Variants in SRGAP1 observed in about 807,000 individuals in gnomAD.
SRGAP1 encodes the protein SLIT-ROBO Rho GTPase activating protein 1.
A neutral mutation model predicts 121.9 loss-of-function variants in SRGAP1; 43 were observed. The ratio of observed to expected loss-of-function variants is 0.35; its 90% CI spans 0.28 to 0.46. The LOEUF (loss-of-function observed/expected upper bound fraction) is 0.46. Ranked by LOEUF, SRGAP1 falls within the 20% of genes least tolerant of loss-of-function variation. The pLI is 1.00. For missense variants in SRGAP1, 1,102 were observed against 1,350.9 expected (o/e 0.82, Z 2.89); for synonymous variants, 447 against 485.4 (o/e 0.92, Z 1.04).
intron 1 of SRGAP1, among the ~76,000 whole-genome samples, chr12:63,952,515 TAAAA>T (rs946816729): frequency 6.6e-6 from 1 of 151,834 alleles, no homozygotes; most frequent in African/African-American, 2.4e-5. Flanking sequence ...ACCTGTCTCT[TAAAA>T]AGAAAGAAGG....
intron 1 of SRGAP1, among the ~76,000 whole-genome samples, chr12:63,915,306 G>T (rs900011165): frequency 1.3e-5 from 2 of 151,580 alleles, no homozygotes; most frequent in African/African-American, 4.9e-5. Flanking sequence ...ACAGAAGTAG[G>T]CAGGGCTAAC....
At chr12:64,033,429 T>G (rs35136111) in intron 4 of SRGAP1, among the ~76,000 whole-genome samples, 58,225 of 151,872 alleles carry the variant, frequency 0.38, 11,835 homozygotes, top group Non-Finnish European at 0.48. Flanking sequence ...TTCTAAAGAG[T>G]TTTGTGGCCA....
chr12:64,087,363 A>AAT (rs1264543093), intron 11 of SRGAP1, among the ~76,000 whole-genome samples: 1 of 152,230 alleles, frequency 6.6e-6, no homozygotes, highest in Non-Finnish European at 1.5e-5. Flanking sequence ...TTAAAAAAAA[A>AAT]ATACGACGTG....
intron 6 of SRGAP1, among the ~76,000 whole-genome samples, chr12:64,055,290 TTACAAGG>T (rs2035319163): frequency 1.4e-5 from 2 of 140,616 alleles, no homozygotes; most frequent in Admixed American, 1.4e-4. Context: ...GGAATCCAAC[TTACAAGG>T]GATGTGAAGG....
intron 6 of SRGAP1, among the ~76,000 whole-genome samples, chr12:64,059,719 C>G (rs1378777): frequency 0.96 from 145,793 of 152,104 alleles, 70,151 homozygotes; most frequent in Middle Eastern, 1. Flanking sequence ...CCGCTCCACA[C>G]AACCATTATA....
chr12:64,068,781 G>A (rs529513880), intron 8 of SRGAP1, among the ~76,000 whole-genome samples: 5 of 151,728 alleles, frequency 3.3e-5, no homozygotes, highest in South Asian at 2.1e-4. Context: ...AGGCCAAGGC[G>A]GGCAGATCTC....
chr12:64,024,323 C>T (rs1361082139), intron 4 of SRGAP1, among the ~76,000 whole-genome samples: 1 of 152,086 alleles, frequency 6.6e-6, no homozygotes, highest in East Asian at 1.9e-4. Flanking sequence ...CCCAGCTGCA[C>T]TGGAGGCTGA....
intron 1 of SRGAP1, among the ~76,000 whole-genome samples, chr12:63,938,421 G>A (rs566373479): frequency 6.6e-5 from 10 of 152,212 alleles, no homozygotes; most frequent in South Asian, 2.1e-4. Context: ...CTGTTACTGC[G>A]GAGCCATGGT....
chr12:64,032,022 A>G (rs2034792252), intron 4 of SRGAP1, among the ~76,000 whole-genome samples: 1 of 152,194 alleles, frequency 6.6e-6, no homozygotes. Context: ...AAATCTCAAT[A>G]TGCTATGGTG....
At chr12:63,928,607 T>G (rs1402332989) in intron 1 of SRGAP1, among the ~76,000 whole-genome samples, 1 of 152,168 alleles carries the variant, frequency 6.6e-6, no homozygotes, top group Non-Finnish European at 1.5e-5. Flanking sequence ...CCCCAACCTT[T>G]TTGGCACCAG....
chr12:64,006,774 G>C (rs1454121667), intron 3 of SRGAP1, among the ~76,000 whole-genome samples: 1 of 151,950 alleles, frequency 6.6e-6, no homozygotes, highest in African/African-American at 2.4e-5. Flanking sequence ...TGTGTCCTGG[G>C]GGGGAAAAAA....
intron 1 of SRGAP1, among the ~76,000 whole-genome samples, chr12:63,925,348 A>AATGAGAT (rs1476100731): frequency 1.3e-5 from 2 of 152,346 alleles, no homozygotes; most frequent in Non-Finnish European, 2.9e-5. Flanking sequence ...GGGAAAAATA[A>AATGAGAT]ATGAGATGTA....
chr12:64,101,247 A>G, intron 15 of SRGAP1, among the ~76,000 whole-genome samples: 1 of 151,556 alleles, frequency 6.6e-6, no homozygotes, highest in East Asian at 1.9e-4. Flanking sequence ...AAGAGTTTGC[A>G]TAAGGCACTG....
At chr12:63,866,405 C>G (rs973455894) in intron 1 of SRGAP1, among the ~76,000 whole-genome samples, 2 of 152,148 alleles carry the variant, frequency 1.3e-5, no homozygotes, top group Admixed American at 6.5e-5. Flanking sequence ...GAATATCACT[C>G]GAATCTGCTT....
intron 21 of SRGAP1, among the ~76,000 whole-genome samples, chr12:64,138,434 GA>G (rs2036894503): frequency 7.0e-6 from 1 of 143,548 alleles, no homozygotes; most frequent in Admixed American, 7.0e-5. Context: ...TTTACTATCT[GA>G]AATAAATTGA....
intron 4 of SRGAP1, chr12:64,032,391 T>G: frequency 2.0e-6 from 1 of 505,980 alleles, no homozygotes; most frequent in Non-Finnish European, 3.7e-6. Context: ...TTTTTACAAA[T>G]AGTTAAAAAC....
chr12:63,873,679 AT>A (rs1341576784), intron 1 of SRGAP1, among the ~76,000 whole-genome samples: 2 of 151,548 alleles, frequency 1.3e-5, no homozygotes, highest in Non-Finnish European at 2.9e-5. Context: ...TTATTTATTT[AT>A]TTTTTTGAGA....
intron 1 of SRGAP1, among the ~76,000 whole-genome samples, chr12:63,882,916 A>G (rs900903163): frequency 6.6e-6 from 1 of 152,230 alleles, no homozygotes; most frequent in Admixed American, 6.5e-5. Flanking sequence ...GAAGTCAGCA[A>G]CACAAACTTC....
chr12:63,950,996 A>G (rs894862029), intron 1 of SRGAP1, among the ~76,000 whole-genome samples: 1 of 131,988 alleles, frequency 7.6e-6, no homozygotes, highest in Non-Finnish European at 1.6e-5. Context: ...CAATTGTCTG[A>G]TTTTTTTTTT....
Sources: gnomAD v4.1 joint callset for allele counts (sites outside exome capture counted in the v4.1 genomes callset) on GRCh38, gnomAD v4.1.1 for gene constraint, MANE v1.5 for transcripts, NCBI Gene and HGNC (gene_info 2026-07-23, HGNC 2026-07-21) for gene names.